Variants in GRK3 observed in about 807,000 individuals in gnomAD.
GRK3 encodes G protein-coupled receptor kinase 3.
Under a neutral mutation model 95.7 loss-of-function variants are expected in GRK3, and 54 were observed. That is an observed-to-expected ratio of 0.56 (90% CI 0.45 to 0.71). GRK3 has a LOEUF of 0.71. Among genes scored for constraint, GRK3 ranks in the 30% least tolerant of loss-of-function variants. GRK3 has a pLI of 0.00. For synonymous variants in GRK3, 281 were observed against 290.8 expected (o/e 0.97, Z 0.34); for missense variants, 649 against 851.2 (o/e 0.76, Z 2.96).
At chr22:25,642,262 G>A (rs976024669) in intron 2 of GRK3, among the ~76,000 whole-genome samples, 13 of 152,044 alleles carry the variant, frequency 8.6e-5, no homozygotes, top group African/African-American at 2.4e-4. Context: ...GTGAAACCCC[G>A]TATCTACTAA....
At chr22:25,591,576 G>A (rs1219506353) in intron 1 of GRK3, among the ~76,000 whole-genome samples, 1 of 151,946 alleles carries the variant, frequency 6.6e-6, no homozygotes, top group African/African-American at 2.4e-5. Flanking sequence ...ATAAACTCAG[G>A]TATGGTTGAA....
intron 2 of GRK3, among the ~76,000 whole-genome samples, chr22:25,640,237 T>C (rs1057397417): frequency 1.3e-5 from 2 of 152,212 alleles, no homozygotes; most frequent in African/African-American, 4.8e-5. Context: ...CTGACATGCA[T>C]TGTATTTTGT....
At chr22:25,656,542 G>C (rs981088653) in intron 3 of GRK3, among the ~76,000 whole-genome samples, 1 of 152,000 alleles carries the variant, frequency 6.6e-6, no homozygotes, top group Non-Finnish European at 1.5e-5. Flanking sequence ...GCCCAGGCTG[G>C]TCTTGAATTT....
chr22:25,570,024 C>T (rs887004944), intron 1 of GRK3, among the ~76,000 whole-genome samples: 6 of 152,166 alleles, frequency 3.9e-5, no homozygotes, highest in Admixed American at 6.5e-5. Context: ...CCACCAAAAA[C>T]GAATACCAAA....
intron 1 of GRK3, among the ~76,000 whole-genome samples, chr22:25,568,108 T>C (rs1931556929): frequency 6.6e-6 from 1 of 152,240 alleles, no homozygotes; most frequent in Admixed American, 6.5e-5. Flanking sequence ...AGTAGTAAAC[T>C]GTGACCCACA....
At chr22:25,635,091 C>A in intron 2 of GRK3, among the ~76,000 whole-genome samples, 1 of 152,294 alleles carries the variant, frequency 6.6e-6, no homozygotes, top group Non-Finnish European at 1.5e-5. Flanking sequence ...CACATAAATT[C>A]ATAAACTTCC....
intron 1 of GRK3, chr22:25,580,290 A>G (rs1932053630): frequency 6.6e-6 from 1 of 152,112 alleles, no homozygotes; most frequent in African/African-American, 2.4e-5. Context: ...GATTTAAGAG[A>G]TGGCGCTATC....
chr22:25,605,641 GT>G (rs2084440264), intron 2 of GRK3, among the ~76,000 whole-genome samples: 1 of 152,250 alleles, frequency 6.6e-6, no homozygotes, highest in Admixed American at 6.5e-5. Context: ...GACTTTTTGT[GT>G]ATTCACCGTC....
intron 17 of GRK3, among the ~76,000 whole-genome samples, chr22:25,713,753 C>T (rs1347147250): frequency 1.3e-5 from 2 of 152,152 alleles, no homozygotes; most frequent in African/African-American, 2.4e-5. Context: ...TTTGAATAAT[C>T]GTTTAGAAGA....
intron 20 of GRK3, among the ~76,000 whole-genome samples, chr22:25,722,012 A>G (rs1407328802): frequency 6.6e-6 from 1 of 152,246 alleles, no homozygotes; most frequent in Non-Finnish European, 1.5e-5. Flanking sequence ...TTTAGAAATC[A>G]AAAGTAATCT....
chr22:25,579,702 G>C (rs1306774202), intron 1 of GRK3, among the ~76,000 whole-genome samples: 1 of 151,956 alleles, frequency 6.6e-6, no homozygotes, highest in Admixed American at 6.6e-5. Flanking sequence ...TCGATCTCCT[G>C]ACCTCGTGAT....
At chr22:25,630,276 G>C (rs1341467755) in intron 2 of GRK3, among the ~76,000 whole-genome samples, 2 of 152,172 alleles carry the variant, frequency 1.3e-5, no homozygotes, top group Non-Finnish European at 2.9e-5. Flanking sequence ...TGTACACTCA[G>C]ACCCTGATTT....
intron 10 of GRK3, among the ~76,000 whole-genome samples, chr22:25,686,990 T>C (rs2085119890): frequency 6.6e-6 from 1 of 152,172 alleles, no homozygotes; most frequent in South Asian, 2.1e-4. Flanking sequence ...TGGCTAATTT[T>C]TGTATTTTTA....
At chr22:25,570,592 T>A (rs1479840319) in intron 1 of GRK3, among the ~76,000 whole-genome samples, 1 of 152,252 alleles carries the variant, frequency 6.6e-6, no homozygotes, top group African/African-American at 2.4e-5. Context: ...GCTATCATTG[T>A]CTCTTCTTAT....
At chr22:25,650,406 G>A (rs1569179761) in intron 3 of GRK3, among the ~76,000 whole-genome samples, 2 of 152,290 alleles carry the variant, frequency 1.3e-5, no homozygotes, top group Non-Finnish European at 2.9e-5. Context: ...AACATGCGGA[G>A]TAAGACCCAG....
rs983723153 is a variant in GRK3, at chr22:25,564,947, C to G, written c.-94C>G. 3.1e-5 allele frequency: 7 copies of G among 224,352 alleles called. No individual in the cohort carries two copies. The highest frequency in any genetic ancestry group is 5.4e-5 in the Non-Finnish European group (7 of 129,742). The allele number at this position is 224,352 out of a possible 1,614,324, so 13.9% of individuals were successfully genotyped here. On this transcript the variant is annotated 5_prime_UTR_variant, in exon 1 of 21. Coordinates refer to ENST00000324198, the MANE Select transcript of GRK3 (RefSeq NM_005160.4). ...GAGGGGGGGGCTGCCCCGGGGCGGC[C>G]CCCCCAGGTCGGGGCGCGGCGGGCG...
At chr22:25,651,266 C>T (rs550816640) in intron 3 of GRK3, among the ~76,000 whole-genome samples, 1 of 152,256 alleles carries the variant, frequency 6.6e-6, no homozygotes, top group Non-Finnish European at 1.5e-5. Flanking sequence ...ATAAAATACT[C>T]TCTTACAGTC....
chr22:25,642,517 A>C (rs1228408013), intron 2 of GRK3, among the ~76,000 whole-genome samples: 1 of 152,168 alleles, frequency 6.6e-6, no homozygotes, highest in East Asian at 1.9e-4. Context: ...AGGGGGTACA[A>C]GTGCAATTTT....
At chr22:25,721,165 A>C (rs574001275) in intron 19 of GRK3, 119 bp from the exon 20 acceptor site, 1 of 531,298 alleles carries the variant, frequency 1.9e-6, no homozygotes, top group East Asian at 3.5e-5. Context: ...GAATACCATC[A>C]AAGAAAGAAA....
Sources: gnomAD v4.1 joint callset for allele counts (sites outside exome capture counted in the v4.1 genomes callset) on GRCh38, gnomAD v4.1.1 for gene constraint, MANE v1.5 for transcripts, NCBI Gene and HGNC (gene_info 2026-07-23, HGNC 2026-07-21) for gene names.